The following TP63 variants were observed in gnomAD, a reference collection of about 807,000 sequenced individuals.
The protein encoded by TP63 is tumor protein 63.
TP63 carries 17 observed loss-of-function variants against 82.8 expected under a neutral mutation model. That is an observed-to-expected ratio of 0.21 (90% CI 0.14 to 0.31). The LOEUF (loss-of-function observed/expected upper bound fraction) is 0.31. Ranked by LOEUF, TP63 falls within the 10% of genes least tolerant of loss-of-function variation. TP63 has a pLI of 1.00. For synonymous variants in TP63, 330 were observed against 321.7 expected, an observed-to-expected ratio of 1.03 and a Z score of -0.28; for missense variants, 648 against 895.3, an observed-to-expected ratio of 0.72 and a Z score of 3.52.
At chr3:189,777,031 T>C (rs1364427004) in intron 3 of TP63, among the ~76,000 whole-genome samples, 3 of 152,132 alleles carry the variant, frequency 2.0e-5, no homozygotes, top group East Asian at 1.9e-4. Context: ...CATAAACCTT[T>C]CTGGAAGCTT....
At chr3:189,777,845 CTTTTTTTTTT>C (rs55731981) in intron 3 of TP63, among the ~76,000 whole-genome samples, 10 of 37,768 alleles carry the variant, frequency 2.6e-4, no homozygotes, top group African/African-American at 1.2e-3. Context: ...TCTTCTTCTT[CTTTTTTTTTT>C]TTTTTTTTTT....
upstream of TP63, among the ~76,000 whole-genome samples, chr3:189,627,445 G>A (rs192391513): frequency 2.6e-4 from 39 of 152,190 alleles, 1 homozygote; most frequent in African/African-American, 9.4e-4. Context: ...AGAAGAATAC[G>A]TACCATATGC....
At chr3:189,887,369 G>A (rs1720560104) in intron 11 of TP63, among the ~76,000 whole-genome samples, 1 of 151,888 alleles carries the variant, frequency 6.6e-6, no homozygotes, top group Admixed American at 6.6e-5. Context: ...CTATAATCCT[G>A]GCCTTTTAAA....
At chr3:189,789,590 G>T in intron 3 of TP63, 1 of 1,204,494 alleles carries the variant, frequency 8.3e-7, no homozygotes. Flanking sequence ...GGATTGGACA[G>T]GTAAAGAGAA....
chr3:189,834,583 T>G (rs1221522439), intron 4 of TP63, among the ~76,000 whole-genome samples: 1 of 152,170 alleles, frequency 6.6e-6, no homozygotes, highest in African/African-American at 2.4e-5. Flanking sequence ...GTGCCATGTA[T>G]CTCCACAATT....
chr3:189,821,353 A>C (rs946927111), intron 4 of TP63, among the ~76,000 whole-genome samples: 1 of 152,226 alleles, frequency 6.6e-6, no homozygotes. Context: ...TGATTCCTGC[A>C]TTCATACTGT....
At chr3:189,607,615 A>G in the TP63 span, among the ~76,000 whole-genome samples, 1 of 151,882 alleles carries the variant, frequency 6.6e-6, no homozygotes, top group East Asian at 1.9e-4. Flanking sequence ...TATAGTGAGT[A>G]TATAAATTTG....
intron 1 of TP63, among the ~76,000 whole-genome samples, chr3:189,689,441 A>T (rs1169442441): frequency 6.6e-6 from 1 of 151,876 alleles, no homozygotes; most frequent in African/African-American, 2.4e-5. Context: ...ATAGGTGGAG[A>T]AACTGAGACC....
intron 1 of TP63, among the ~76,000 whole-genome samples, chr3:189,655,770 G>A (rs1364136483): frequency 6.6e-6 from 1 of 152,176 alleles, no homozygotes; most frequent in African/African-American, 2.4e-5. Flanking sequence ...TATCTTAACA[G>A]TGAGAAACCC....
intron 1 of TP63, among the ~76,000 whole-genome samples, chr3:189,694,444 G>A (rs549480903): frequency 6.6e-6 from 1 of 152,010 alleles, no homozygotes; most frequent in Non-Finnish European, 1.5e-5. Context: ...GTTGCCTTAG[G>A]TTCCCCTTGG....
intron 4 of TP63, among the ~76,000 whole-genome samples, chr3:189,836,485 A>G (rs952550946): frequency 6.6e-6 from 1 of 152,194 alleles, no homozygotes; most frequent in African/African-American, 2.4e-5. Flanking sequence ...ACCTGTAGAA[A>G]TGATTACGTA....
chr3:189,774,739 G>A (rs778569824), intron 3 of TP63, among the ~76,000 whole-genome samples: 4 of 152,108 alleles, frequency 2.6e-5, no homozygotes, highest in Non-Finnish European at 5.9e-5. Flanking sequence ...TACCAACCTA[G>A]AAAGTATCAG....
intron 3 of TP63, among the ~76,000 whole-genome samples, chr3:189,807,184 T>C (rs1727006286): frequency 1.3e-5 from 2 of 152,232 alleles, no homozygotes. Context: ...TTTGTTCATT[T>C]TGGCTCAGGT....
intron 3 of TP63, among the ~76,000 whole-genome samples, chr3:189,754,699 T>C (rs898334670): frequency 1.3e-5 from 2 of 152,198 alleles, no homozygotes; most frequent in Non-Finnish European, 2.9e-5. Context: ...ACAATGTCAC[T>C]TAACTTTAAG....
intron 3 of TP63, among the ~76,000 whole-genome samples, chr3:189,759,801 A>C (rs963254384): frequency 6.6e-6 from 1 of 152,186 alleles, no homozygotes; most frequent in Non-Finnish European, 1.5e-5. Context: ...CTCCATTTTC[A>C]TGCTGCTGAT....
chr3:189,724,896 T>G (rs912628248), intron 1 of TP63, among the ~76,000 whole-genome samples: 11 of 152,242 alleles, frequency 7.2e-5, no homozygotes, highest in Non-Finnish European at 5.9e-5. Context: ...CGGGAGAGAC[T>G]AACAATCAAC....
intron 1 of TP63, among the ~76,000 whole-genome samples, chr3:189,731,192 A>G (rs1720146638): frequency 6.6e-6 from 1 of 152,138 alleles, no homozygotes; most frequent in African/African-American, 2.4e-5. Context: ...AAAAATACAA[A>G]AATTAGCCGA....
At position 189,681,698 on chromosome 3, in the gene TP63, T is replaced by C. The variant is rs537481292; in HGVS notation, c.62+50121T>C. Among the ~76,000 whole-genome samples the C allele has an allele frequency of 2.0e-4, 31 of 152,294 alleles. No individual in the cohort carries two copies. In the South Asian group the frequency reaches 3.9e-3, roughly 19 times the overall value. Reference sequence around the variant, plus strand: ...CTCTTCTTCCTCCTCCTCCTTTTTTTCTACTCTCTCGCTGACTGCCTCTAA... The same window carrying C: ...CTCTTCTTCCTCCTCCTCCTTTTTTCCTACTCTCTCGCTGACTGCCTCTAA... On this transcript the variant is annotated intron_variant, in intron 1 of 13. Coordinates refer to ENST00000264731, the MANE Select transcript of TP63 (RefSeq NM_003722.5).
chr3:189,596,848 T>A, the TP63 span, among the ~76,000 whole-genome samples: 1 of 152,186 alleles, frequency 6.6e-6, no homozygotes, highest in Non-Finnish European at 1.5e-5. Context: ...ACTGCTTTTA[T>A]GAGCTGTAAC....
Sources: gnomAD v4.1 joint callset for allele counts (sites outside exome capture counted in the v4.1 genomes callset) on GRCh38, gnomAD v4.1.1 for gene constraint, MANE v1.5 for transcripts, NCBI Gene and HGNC (gene_info 2026-07-23, HGNC 2026-07-21) for gene names.